TSPAN12: variants seen among roughly 807,000 people sequenced by gnomAD.
TSPAN12 encodes tetraspanin-12.
In TSPAN12, 19 loss-of-function variants were observed where a neutral mutation model predicts 39.2. The observed-to-expected ratio is 0.49, with a 90% CI of 0.34 to 0.71. The LOEUF (loss-of-function observed/expected upper bound fraction) is 0.71, where lower values mean the gene tolerates loss of function less well. Among genes scored for constraint, TSPAN12 ranks in the 30% least tolerant of loss-of-function variants. TSPAN12 has a pLI of 0.01. For synonymous variants in TSPAN12, 119 were observed against 124.8 expected (o/e 0.95, Z 0.31); for missense variants, 314 against 359.9 (o/e 0.87, Z 1.03).
At chr7:120,803,938 G>T (rs1238991495) in intron 7 of TSPAN12, among the ~76,000 whole-genome samples, 1 of 152,144 alleles carries the variant, frequency 6.6e-6, no homozygotes, top group Non-Finnish European at 1.5e-5. Flanking sequence ...AATGTTTAAT[G>T]TGGAACAGTC....
rs761137432 is a variant in TSPAN12, at chr7:120,840,113, G to A, written c.67-4C>T. ...CCAACACACTGATGGACATTAACTG[G>A]GGAGAAAAAAGTACAAACCGGTTAC... On this transcript the variant is annotated splice_polypyrimidine_tract_variant and splice_region_variant and intron_variant, in intron 2 of 7. Coordinates refer to ENST00000222747, the MANE Select transcript of TSPAN12 (RefSeq NM_012338.4). 6.2e-7 allele frequency: 1 copy of A among 1,611,788 alleles called. No individual in the cohort carries two copies. Among genetic ancestry groups the A allele is most frequent in the Admixed American group, 1.7e-5 (1 of 59,978 alleles).
intron 7 of TSPAN12, among the ~76,000 whole-genome samples, chr7:120,802,671 G>A (rs967825726): frequency 6.6e-6 from 1 of 152,128 alleles, no homozygotes; most frequent in Non-Finnish European, 1.5e-5. Flanking sequence ...ATTGGTTATC[G>A]TATCATCATT....
At chr7:120,857,258 G>A in intron 1 of TSPAN12, 1 of 249,496 alleles carries the variant, frequency 4.0e-6, no homozygotes, top group South Asian at 5.3e-5. Context: ...GGCGCCACCG[G>A]CAAGCCCGAG....
chr7:120,831,032 C>A (rs1414615992), intron 4 of TSPAN12, among the ~76,000 whole-genome samples: 1 of 151,676 alleles, frequency 6.6e-6, no homozygotes, highest in Non-Finnish European at 1.5e-5. Flanking sequence ...CAACAGAAGA[C>A]AAAGAGATGA....
chr7:120,849,041 C>T (rs781364158), intron 2 of TSPAN12, among the ~76,000 whole-genome samples: 5 of 152,196 alleles, frequency 3.3e-5, no homozygotes, highest in Admixed American at 6.5e-5. Flanking sequence ...TCAAATGCCA[C>T]TCACATTGGC....
At chr7:120,794,438 T>A (rs141858680) in intron 7 of TSPAN12, among the ~76,000 whole-genome samples, 142 of 152,216 alleles carry the variant, frequency 9.3e-4, no homozygotes, top group African/African-American at 3.3e-3. Context: ...ATAACGGAGT[T>A]CTCCCAAGAT....
intron 4 of TSPAN12, among the ~76,000 whole-genome samples, chr7:120,819,835 T>C (rs1343752596): frequency 6.6e-6 from 1 of 152,154 alleles, no homozygotes; most frequent in Non-Finnish European, 1.5e-5. Context: ...ATACTGATTA[T>C]TGCACTGAGA....
Position 120,806,584 on chromosome 7 carries a change from C to T in TSPAN12, c.577G>A (p.Ala193Thr), listed in dbSNP as rs779191106. 5 of 1,613,450 alleles carry T rather than the reference C, an allele frequency of 3.1e-6. No homozygotes were observed. Among genetic ancestry groups the T allele is most frequent in the Non-Finnish European group, 4.2e-6 (5 of 1,179,584 alleles). The change falls in exon 7 of 8, where the codon GCC (alanine) becomes ACC (threonine). Residue 193 changes from alanine to threonine, a missense_variant. By Grantham distance (58) the Ala-to-Thr change is moderately conservative. Coordinates refer to ENST00000222747, the MANE Select transcript of TSPAN12 (RefSeq NM_012338.4). ...AGGTCACTGAGATCTTCCTGGTGGG[C>T]CTGTTTGGAACATCCTGGGAATTCT... ...VREFPGCSKQ[A>T]HQEDLSDLYQ...
chr7:120,808,603 C>T (rs1032525813), intron 6 of TSPAN12, among the ~76,000 whole-genome samples: 1 of 152,068 alleles, frequency 6.6e-6, no homozygotes, highest in South Asian at 2.1e-4. Context: ...TATTCCAAAG[C>T]CTATGCTCCA....
intron 4 of TSPAN12, 69 bp from the exon 5 acceptor site, chr7:120,815,872 G>C (rs1184511656): frequency 1.4e-6 from 2 of 1,408,076 alleles, no homozygotes; most frequent in South Asian, 1.2e-5. Flanking sequence ...GACAGACTTG[G>C]TATTATGTTT....
At chr7:120,792,311 C>T (rs1793543246) in intron 7 of TSPAN12, among the ~76,000 whole-genome samples, 1 of 152,190 alleles carries the variant, frequency 6.6e-6, no homozygotes, top group Admixed American at 6.5e-5. Flanking sequence ...CTTTATTTGA[C>T]CTGAACTTGA....
rs1483655475 is a variant in TSPAN12 at position 120,787,776 on chromosome 7, T to A, written c.*816A>T. The A allele has an allele frequency of 6.6e-6, 1 of 152,294 alleles. No homozygotes were observed. The highest frequency in any genetic ancestry group is 1.5e-5 in the Non-Finnish European group (1 of 68,010). 9.4% of individuals were successfully genotyped at this position (152,294 alleles called of 1,614,324 possible). A position where few individuals can be genotyped will look rare whatever the true frequency, so the allele number is the denominator to read the frequency against. ...GACCAGACTACATTCTGAATAATGA[T>A]TCCTATGTATCACACTGGTAATTTT... On this transcript the variant is annotated 3_prime_UTR_variant, in exon 8 of 8. Transcript: ENST00000222747.
At chr7:120,821,345 C>T (rs1794184023) in intron 4 of TSPAN12, among the ~76,000 whole-genome samples, 1 of 151,108 alleles carries the variant, frequency 6.6e-6, no homozygotes, top group Admixed American at 6.6e-5. Flanking sequence ...GAATAAATAA[C>T]TTTCGGTTCA....
At chr7:120,789,525 T>C (rs1793479296) in intron 7 of TSPAN12, among the ~76,000 whole-genome samples, 1 of 152,150 alleles carries the variant, frequency 6.6e-6, no homozygotes, top group Non-Finnish European at 1.5e-5. Flanking sequence ...AACATAGACA[T>C]CACAAAGACA....
intron 7 of TSPAN12, among the ~76,000 whole-genome samples, chr7:120,797,425 C>A (rs1386060148): frequency 6.6e-6 from 1 of 151,898 alleles, no homozygotes; most frequent in Non-Finnish European, 1.5e-5. Flanking sequence ...AGCTGCCTGG[C>A]AGCATAGACT....
intron 2 of TSPAN12, among the ~76,000 whole-genome samples, chr7:120,852,855 A>AAGAG (rs576773917): frequency 6.7e-6 from 1 of 149,972 alleles, no homozygotes; most frequent in African/African-American, 2.5e-5. Flanking sequence ...ATCTAAAAAA[A>AAGAG]AGAGAGAGAG....
intron 4 of TSPAN12, among the ~76,000 whole-genome samples, chr7:120,829,697 T>C (rs1794355355): frequency 6.6e-6 from 1 of 152,182 alleles, no homozygotes; most frequent in Admixed American, 6.5e-5. Context: ...AACATTTCAA[T>C]AGCATGTGCT....
intron 4 of TSPAN12, among the ~76,000 whole-genome samples, chr7:120,835,268 G>C (rs1009774537): frequency 6.6e-6 from 1 of 152,156 alleles, no homozygotes; most frequent in Non-Finnish European, 1.5e-5. Flanking sequence ...TTGCAATCAG[G>C]AACGCCGAGG....
chr7:120,820,831 T>G (rs1794175176), intron 4 of TSPAN12, among the ~76,000 whole-genome samples: 1 of 152,158 alleles, frequency 6.6e-6, no homozygotes, highest in South Asian at 2.1e-4. Flanking sequence ...TTCTCTAATT[T>G]GAACCTTGAG....
Sources: gnomAD v4.1 joint callset for allele counts (sites outside exome capture counted in the v4.1 genomes callset) on GRCh38, gnomAD v4.1.1 for gene constraint, MANE v1.5 for transcripts, NCBI Gene and HGNC (gene_info 2026-07-23, HGNC 2026-07-21) for gene names.